Variants in SLC35F3 observed in about 807,000 individuals in gnomAD.
The protein encoded by SLC35F3 is putative thiamine transporter SLC35F3.
Under a neutral mutation model 49.9 loss-of-function variants are expected in SLC35F3, and 25 were observed. That is an observed-to-expected ratio of 0.50 (90% CI 0.37 to 0.70). The LOEUF is 0.70. SLC35F3 is among the 30% of genes least tolerant of loss of function. SLC35F3 has a pLI of 0.00. For missense variants in SLC35F3, 525 were observed against 639.8 expected (o/e 0.82, Z 1.94); for synonymous variants, 275 against 265.4 (o/e 1.04, Z -0.35).
At chr1:234,139,994 T>TAAAATAAAATAAAATAAATAAAATAAAA in intron 2 of SLC35F3, among the ~76,000 whole-genome samples, 1 of 136,050 alleles carries the variant, frequency 7.4e-6, no homozygotes, top group African/African-American at 2.6e-5. Context: ...TAAAATAAAA[T>TAAAATAAAATAAAATAAATAAAATAAAA]AAAATAAAGT....
intron 2 of SLC35F3, among the ~76,000 whole-genome samples, chr1:234,014,140 G>A (rs930598673): frequency 6.6e-6 from 1 of 152,120 alleles, no homozygotes; most frequent in African/African-American, 2.4e-5. Flanking sequence ...AATCACTCAT[G>A]TAATCAAGTG....
At chr1:234,039,499 A>G (rs1408194153) in intron 2 of SLC35F3, among the ~76,000 whole-genome samples, 1 of 152,208 alleles carries the variant, frequency 6.6e-6, no homozygotes, top group Non-Finnish European at 1.5e-5. Flanking sequence ...AACTGTATTC[A>G]TTGATTAGTA....
chr1:234,283,045 T>C (rs944075597), intron 3 of SLC35F3, among the ~76,000 whole-genome samples: 1 of 152,214 alleles, frequency 6.6e-6, no homozygotes, highest in Non-Finnish European at 1.5e-5. Flanking sequence ...AAATGCTTCC[T>C]GCCACCCAGA....
At chr1:234,263,386 T>A (rs1045978634) in intron 3 of SLC35F3, among the ~76,000 whole-genome samples, 2 of 152,216 alleles carry the variant, frequency 1.3e-5, no homozygotes, top group African/African-American at 4.8e-5. Context: ...TATTATTTAG[T>A]ATGCAAAATA....
intron 3 of SLC35F3, among the ~76,000 whole-genome samples, chr1:234,302,875 A>C (rs1668715731): frequency 6.6e-6 from 1 of 152,168 alleles, no homozygotes; most frequent in South Asian, 2.1e-4. Flanking sequence ...AATTAACTTA[A>C]TTTTAGCAAT....
At chr1:234,183,015 CT>C (rs1412819291) in intron 2 of SLC35F3, among the ~76,000 whole-genome samples, 1 of 134,576 alleles carries the variant, frequency 7.4e-6, no homozygotes, top group Non-Finnish European at 1.6e-5. Context: ...TTGCTTAAGA[CT>C]TTTTGTTTGT....
chr1:234,243,312 C>T (rs1043134865), intron 3 of SLC35F3, among the ~76,000 whole-genome samples: 1 of 152,100 alleles, frequency 6.6e-6, no homozygotes, highest in East Asian at 1.9e-4. Flanking sequence ...CACGCCACTG[C>T]ACTCTAGCCT....
chr1:234,200,298 T>C (rs932722365), intron 2 of SLC35F3, among the ~76,000 whole-genome samples: 4 of 152,234 alleles, frequency 2.6e-5, no homozygotes, highest in African/African-American at 9.6e-5. Flanking sequence ...TTCTTCAGAT[T>C]CTTTGCCCAT....
intron 2 of SLC35F3, among the ~76,000 whole-genome samples, chr1:234,148,677 A>C (rs988051806): frequency 7.9e-5 from 12 of 152,212 alleles, no homozygotes; most frequent in Admixed American, 7.9e-4. Context: ...TGCTTTACAA[A>C]GTATAGATGG....
At chr1:234,113,763 T>C (rs1665442889) in intron 2 of SLC35F3, among the ~76,000 whole-genome samples, 2 of 152,182 alleles carry the variant, frequency 1.3e-5, no homozygotes, top group East Asian at 3.8e-4. Flanking sequence ...CTCGGGAGGC[T>C]GAGGCAGGAG....
intron 2 of SLC35F3, among the ~76,000 whole-genome samples, chr1:233,937,670 A>G (rs76894531): frequency 0.096 from 14,695 of 152,286 alleles, 791 homozygotes; most frequent in African/African-American, 0.13. Context: ...TTGAATTTTC[A>G]TTTTGAAAAA....
At chr1:234,232,212 G>A (rs1396127781) in intron 3 of SLC35F3, among the ~76,000 whole-genome samples, 2 of 152,122 alleles carry the variant, frequency 1.3e-5, no homozygotes, top group African/African-American at 4.8e-5. Flanking sequence ...CCCCCTTCGC[G>A]TATGTAATTG....
intron 2 of SLC35F3, among the ~76,000 whole-genome samples, chr1:233,950,138 G>A (rs1662579050): frequency 6.6e-6 from 1 of 151,984 alleles, no homozygotes; most frequent in Admixed American, 6.6e-5. Context: ...GAGAAAATCA[G>A]GTATTTGGGA....
intron 2 of SLC35F3, among the ~76,000 whole-genome samples, chr1:233,982,032 C>T (rs767772306): frequency 2.0e-5 from 3 of 152,198 alleles, no homozygotes; most frequent in South Asian, 2.1e-4. Flanking sequence ...AAGTGATTCT[C>T]GTGCCTCAGC....
intron 2 of SLC35F3, among the ~76,000 whole-genome samples, chr1:233,993,781 G>A (rs973603691): frequency 6.6e-6 from 1 of 152,150 alleles, no homozygotes; most frequent in Non-Finnish European, 1.5e-5. Flanking sequence ...CATCTGCACT[G>A]GTGACTCTGT....
At chr1:234,114,114 G>A (rs1665448277) in intron 2 of SLC35F3, among the ~76,000 whole-genome samples, 1 of 152,210 alleles carries the variant, frequency 6.6e-6, no homozygotes. Flanking sequence ...ACTGTGTTTG[G>A]AAGGAGATAC....
At chr1:234,175,876 C>G (rs773133059) in intron 2 of SLC35F3, among the ~76,000 whole-genome samples, 3 of 152,104 alleles carry the variant, frequency 2.0e-5, no homozygotes, top group Non-Finnish European at 4.4e-5. Flanking sequence ...GTCCACCATC[C>G]GCACCCCTTG....
intron 2 of SLC35F3, among the ~76,000 whole-genome samples, chr1:234,021,439 T>C (rs1331069485): frequency 1.3e-5 from 2 of 152,358 alleles, no homozygotes; most frequent in East Asian, 3.9e-4. Context: ...GTTTTCCCAA[T>C]GGCCCTACCA....
intron 2 of SLC35F3, among the ~76,000 whole-genome samples, chr1:234,112,722 ATTTTTT>A (rs1157248348): frequency 1.8e-4 from 6 of 33,546 alleles, no homozygotes; most frequent in Non-Finnish European, 2.4e-4. Flanking sequence ...TGCCCAGCTA[ATTTTTT>A]TTTTTTTTTT....
Sources: gnomAD v4.1 joint callset for allele counts (sites outside exome capture counted in the v4.1 genomes callset) on GRCh38, gnomAD v4.1.1 for gene constraint, MANE v1.5 for transcripts, NCBI Gene and HGNC (gene_info 2026-07-23, HGNC 2026-07-21) for gene names.